The following CADPS variants were observed in gnomAD, a reference collection of about 807,000 sequenced individuals.
CADPS encodes the protein calcium-dependent secretion activator 1.
Under a neutral mutation model 167.3 loss-of-function variants are expected in CADPS, and 57 were observed. The ratio of observed to expected loss-of-function variants is 0.34; its 90% confidence interval spans 0.28 to 0.42. The LOEUF (loss-of-function observed/expected upper bound fraction) is 0.42. Ranked by LOEUF, CADPS falls within the 20% of genes least tolerant of loss-of-function variation. The pLI is 1.00. For synonymous variants in CADPS, 676 were observed against 635.3 expected (o/e 1.06, Z -0.96); for missense variants, 1,414 against 1,738.1 (o/e 0.81, Z 3.32).
intron 1 of CADPS, among the ~76,000 whole-genome samples, chr3:62,794,651 A>G (rs571508450): frequency 6.6e-6 from 1 of 152,214 alleles, no homozygotes; most frequent in Non-Finnish European, 1.5e-5. Context: ...TGAAAACTAT[A>G]ACAAAAACTA....
intron 28 of CADPS, among the ~76,000 whole-genome samples, chr3:62,414,983 C>A (rs2149308000): frequency 6.6e-6 from 1 of 152,216 alleles, no homozygotes; most frequent in South Asian, 2.1e-4. Context: ...GAAGTGACCG[C>A]TGGGCAAAAG....
intron 18 of CADPS, among the ~76,000 whole-genome samples, chr3:62,495,559 T>C (rs1021045311): frequency 6.6e-6 from 1 of 152,226 alleles, no homozygotes; most frequent in Non-Finnish European, 1.5e-5. Context: ...TACTAAATAC[T>C]TACCCAGAGC....
Position 62,874,477 on chromosome 3 carries a change from G to A in CADPS, c.441+112C>T. The A allele has an allele frequency of 1.2e-6, 1 of 820,010 alleles. No homozygotes were observed. 50.8% of individuals were successfully genotyped at this position (820,010 alleles called of 1,614,324 possible). On this transcript the variant is annotated intron_variant, in intron 1 of 29. Transcript: ENST00000383710. This position sits in a 1 kb window ranked among gnomAD's most constrained non-coding sequence, Gnocchi z 7.1. ...CTCGTAGCCCTTTCCCCAGGGCGCGGTCTCCACCTCTCCTGCTCCTCCTCG... is the reference window on the plus strand; with the variant it reads ...CTCGTAGCCCTTTCCCCAGGGCGCGATCTCCACCTCTCCTGCTCCTCCTCG...
intron 7 of CADPS, among the ~76,000 whole-genome samples, chr3:62,586,639 A>G (rs1238394): frequency 0.61 from 92,261 of 152,106 alleles, 31,639 homozygotes; most frequent in Non-Finnish European, 0.76. Context: ...GCTAACCACA[A>G]ATTTCAAGTC....
rs1186191262 is a variant in CADPS at position 62,812,055 on chromosome 3, G to A, written c.442-46071C>T. ...ATTACATTAAAAAGATTTTCATTAT[G>A]AGGCAAAGTATTTACACAGTAATGC... On this transcript the variant is annotated intron_variant, in intron 1 of 29. Transcript: ENST00000383710. Among the ~76,000 whole-genome samples the A allele has an allele frequency of 3.3e-5, 5 of 151,954 alleles. No individual in the cohort carries two copies. In the East Asian group the frequency reaches 7.7e-4, roughly 23 times the overall value.
intron 1 of CADPS, among the ~76,000 whole-genome samples, chr3:62,808,982 T>C (rs1255525008): frequency 6.6e-6 from 1 of 152,160 alleles, no homozygotes; most frequent in Non-Finnish European, 1.5e-5. Flanking sequence ...AAACCAAAAA[T>C]TGTAGACATT....
rs1562759675 is a variant in CADPS at position 62,602,084 on chromosome 3, G to A, written c.1326-9336C>T. Among the ~76,000 whole-genome samples the A allele has an allele frequency of 1.3e-5, 2 of 151,948 alleles. No individual in the cohort carries two copies. The highest frequency in any genetic ancestry group is 2.9e-5 in the Non-Finnish European group (2 of 67,974). On this transcript the variant is annotated intron_variant, in intron 6 of 29. Transcript: ENST00000383710. The surrounding 1 kb of genome is among the most constrained non-coding windows in gnomAD (Gnocchi z 4.4). The stretch of plus-strand genomic sequence containing the variant: ...TTTTCATTAGAATTTTTCCCCCCAT[G>A]AACAAAAAACAACATTTGCCACATA...
At position 62,543,688 on chromosome 3, in the gene CADPS, A is replaced by G. The variant is rs79192554; in HGVS notation, c.1966+6215T>C. On this transcript the variant is annotated intron_variant, in intron 11 of 29. Transcript: ENST00000383710. The stretch of plus-strand genomic sequence containing the variant: ...GAAACAAAAAAAATTTGAAGAAAAG[A>G]CTATCATTAAATGGTCAGGAGAAAT... Among the ~76,000 whole-genome samples the G allele has an allele frequency of 6.6e-5, 10 of 152,054 alleles. No individual in the cohort carries two copies. In the East Asian group the frequency reaches 1.7e-3, roughly 26 times the overall value.
intron 23 of CADPS, among the ~76,000 whole-genome samples, chr3:62,476,933 AT>A (rs1163128826): frequency 1.3e-5 from 2 of 152,142 alleles, no homozygotes; most frequent in Non-Finnish European, 2.9e-5. Context: ...CCCTAAGGAA[AT>A]ATTTTGATCT....
intron 8 of CADPS, among the ~76,000 whole-genome samples, chr3:62,574,109 C>A (rs944142277): frequency 4.6e-5 from 7 of 152,164 alleles, no homozygotes; most frequent in African/African-American, 1.7e-4. Context: ...TGCAACTCCC[C>A]AGTCAAGTCA....
At chr3:62,739,480 C>A (rs4528933) in intron 3 of CADPS, among the ~76,000 whole-genome samples, 49,486 of 152,032 alleles carry the variant, frequency 0.33, 8,466 homozygotes, top group African/African-American at 0.4. Flanking sequence ...TACAGGTATT[C>A]TCACAATAGT....
intron 28 of CADPS, among the ~76,000 whole-genome samples, chr3:62,426,783 G>A (rs1163496551): frequency 6.6e-6 from 1 of 151,926 alleles, no homozygotes; most frequent in Non-Finnish European, 1.5e-5. Context: ...AAGTTGACAG[G>A]GCGGTCAGGC....
In CADPS at chr3:62,722,542, G is replaced by C. The variant is rs185456039; in HGVS notation, c.888+30899C>G. Reference sequence around the variant, plus strand: ...CACAGGTGGAGGCTGGAGCCAGAAAGTGAGTTGCTGCAATGCTTTCACAGG... The same window carrying C: ...CACAGGTGGAGGCTGGAGCCAGAAACTGAGTTGCTGCAATGCTTTCACAGG... On this transcript the variant is annotated intron_variant, in intron 3 of 29. Coordinates refer to ENST00000383710, the MANE Select transcript of CADPS (RefSeq NM_003716.4). Among the ~76,000 whole-genome samples the C allele has an allele frequency of 3.3e-5, 5 of 152,366 alleles. No individual in the cohort carries two copies. The East Asian group carries it at 9.6e-4, about 29-fold the overall frequency.
intron 5 of CADPS, among the ~76,000 whole-genome samples, chr3:62,646,169 T>G (rs2068530658): frequency 6.6e-6 from 1 of 150,658 alleles, no homozygotes; most frequent in Admixed American, 6.6e-5. Flanking sequence ...CTCTTTTTTT[T>G]TTTTTTTTTT....
At chr3:62,804,626 C>T (rs1042385661) in intron 1 of CADPS, among the ~76,000 whole-genome samples, 1 of 151,448 alleles carries the variant, frequency 6.6e-6, no homozygotes, top group Admixed American at 6.6e-5. Flanking sequence ...TATGTTGCTC[C>T]CTGGCGATTT....
chr3:62,687,406 A>C (rs1463580927), intron 3 of CADPS, among the ~76,000 whole-genome samples: 1 of 152,094 alleles, frequency 6.6e-6, no homozygotes, highest in East Asian at 1.9e-4. Context: ...AGTAGAAATA[A>C]TTTCTATCAA....
chr3:62,596,049 A>C (rs548497272), intron 6 of CADPS, among the ~76,000 whole-genome samples: 1 of 150,118 alleles, frequency 6.7e-6, no homozygotes, highest in Non-Finnish European at 1.5e-5. Flanking sequence ...TGATGGTGTA[A>C]GTTAATACTT....
At chr3:62,408,026 C>T (rs1384790470) in intron 28 of CADPS, among the ~76,000 whole-genome samples, 2 of 152,144 alleles carry the variant, frequency 1.3e-5, no homozygotes, top group African/African-American at 2.4e-5. Context: ...TGAGCCACTG[C>T]CCCTGGCCCA....
intron 6 of CADPS, among the ~76,000 whole-genome samples, chr3:62,600,044 A>C (rs961576661): frequency 6.9e-6 from 1 of 144,412 alleles, no homozygotes; most frequent in Non-Finnish European, 1.5e-5. Context: ...CAGAATAACC[A>C]TGTCACTAAA....
Sources: allele counts gnomAD v4.1 joint callset (sites outside exome capture counted in the v4.1 genomes callset), GRCh38; gene constraint gnomAD v4.1.1; non-coding constraint Gnocchi (gnomAD v3.1); transcripts MANE v1.5; gene names NCBI Gene and HGNC (gene_info 2026-07-23, HGNC 2026-07-21).